Variants in GALK2 observed in about 807,000 individuals in gnomAD.
The protein encoded by GALK2 is N-acetylgalactosamine kinase.
A neutral mutation model predicts 52.4 loss-of-function variants in GALK2; 36 were observed. The ratio of observed to expected loss-of-function variants is 0.69; its 90% CI spans 0.53 to 0.91. GALK2 has a LOEUF of 0.91. Among genes scored for constraint, GALK2 ranks in the 40% least tolerant of loss-of-function variants. GALK2 has a pLI of 0.00. For synonymous variants in GALK2, 176 were observed against 199.1 expected, an observed-to-expected ratio of 0.88 and a Z score of 0.98; for missense variants, 579 against 559.1, an observed-to-expected ratio of 1.04 and a Z score of -0.36.
intron 3 of GALK2, chr15:49,343,871 A>G (rs1490952904): frequency 1.3e-5 from 2 of 152,208 alleles, no homozygotes; most frequent in East Asian, 3.8e-4. Context: ...TATTGCTGGA[A>G]TAAGTGTCCA....
chr15:49,234,811 G>A (rs2090705014), intron 3 of GALK2, among the ~76,000 whole-genome samples: 1 of 151,612 alleles, frequency 6.6e-6, no homozygotes, highest in Non-Finnish European at 1.5e-5. Context: ...CTGTCGCCCA[G>A]GCTGGGGTGC....
intron 3 of GALK2, among the ~76,000 whole-genome samples, chr15:49,352,849 C>T (rs1360516240): frequency 1.3e-5 from 2 of 152,168 alleles, no homozygotes; most frequent in Admixed American, 1.3e-4. Flanking sequence ...CTACCTCAGT[C>T]CTTAAAACCC....
At position 49,331,856 on chromosome 15, in the gene GALK2, A is replaced by G. The variant is rs1389729583; in HGVS notation, c.*3697A>G. ...GGTAGCCTTTGCTTGGAGTCTAATC[A>G]TGGAATAAAGAAAATCAGTAACCAA... is the stretch of plus-strand genomic sequence containing the variant. On this transcript the variant is annotated 3_prime_UTR_variant, in exon 10 of 10. Transcript: ENST00000560031. 6.3e-7 allele frequency: 1 copy of G among 1,588,968 alleles called. No homozygotes were observed. The highest frequency in any genetic ancestry group is 2.2e-5 in the East Asian group (1 of 44,732).
intron 8 of GALK2, chr15:49,318,050 A>T (rs534405979): frequency 2.4e-5 from 3 of 122,908 alleles, no homozygotes; most frequent in African/African-American, 7.5e-5. Context: ...CAGAATTTAA[A>T]GTAAAATTAA....
At chr15:49,232,849 T>G (rs1011226286) in intron 3 of GALK2, among the ~76,000 whole-genome samples, 121 of 152,294 alleles carry the variant, frequency 7.9e-4, no homozygotes, top group African/African-American at 2.8e-3. Context: ...TCTGAGACCT[T>G]CTTAGCTGGG....
chr15:49,334,186 T>G, downstream of GALK2: 1 of 895,468 alleles, frequency 1.1e-6, no homozygotes, highest in Non-Finnish European at 1.3e-6. Flanking sequence ...AAAGATGATC[T>G]TAAGCACTAC....
intron 3 of GALK2, among the ~76,000 whole-genome samples, chr15:49,233,808 G>A (rs796674478): frequency 1.2e-4 from 18 of 152,094 alleles, no homozygotes; most frequent in African/African-American, 4.1e-4. Flanking sequence ...TATCAAATGC[G>A]GACTTTTAGA....
chr15:49,345,806 GAAAC>G (rs879894712), intron 3 of GALK2, among the ~76,000 whole-genome samples: 1 of 152,140 alleles, frequency 6.6e-6, no homozygotes, highest in Non-Finnish European at 1.5e-5. Flanking sequence ...GAATATTAGA[GAAAC>G]AAAGGGTTTT....
At chr15:49,243,502 A>G (rs1244690964) in intron 5 of GALK2, among the ~76,000 whole-genome samples, 1 of 152,144 alleles carries the variant, frequency 6.6e-6, no homozygotes, top group Non-Finnish European at 1.5e-5. Flanking sequence ...CAGCTCCTCT[A>G]TGACCTTGTT....
chr15:49,326,142 A>T (rs1165450428), intron 9 of GALK2, among the ~76,000 whole-genome samples: 1 of 152,078 alleles, frequency 6.6e-6, no homozygotes, highest in Non-Finnish European at 1.5e-5. Flanking sequence ...AGACCATGTC[A>T]TGGCTGGCTT....
At chr15:49,216,323 A>G (rs2089369994) in intron 2 of GALK2, among the ~76,000 whole-genome samples, 1 of 152,164 alleles carries the variant, frequency 6.6e-6, no homozygotes, top group Non-Finnish European at 1.5e-5. Context: ...TGGGTCCAGG[A>G]ACTAAGTCCT....
At chr15:49,196,639 TTTA>T in intron 1 of GALK2, among the ~76,000 whole-genome samples, 1 of 152,250 alleles carries the variant, frequency 6.6e-6, no homozygotes, top group East Asian at 1.9e-4. Flanking sequence ...CTTTATCAAG[TTTA>T]TTGAGTCTTT....
In GALK2 at chr15:49,254,727, G is replaced by A. The variant is rs911905756; in HGVS notation, c.504+15360G>A. Among the ~76,000 whole-genome samples, 6 of 143,856 alleles carry A rather than the reference G, an allele frequency of 4.2e-5. 1 individual carries two copies. The highest frequency in any genetic ancestry group is 7.0e-5 in the Admixed American group (1 of 14,272). 94.4% of individuals were successfully genotyped at this position (143,856 alleles called of 152,430 possible). A position where few individuals can be genotyped will look rare whatever the true frequency, so the allele number is the denominator to read the frequency against. ...AGGGATAGTTCACAGAAACCTATGTGTTAATGCAGGGTGCTTTTATATTTA... is the reference window on the plus strand; with the variant it reads ...AGGGATAGTTCACAGAAACCTATGTATTAATGCAGGGTGCTTTTATATTTA... On this transcript the variant is annotated intron_variant, in intron 5 of 9. Transcript: ENST00000560031.
intron 5 of GALK2, among the ~76,000 whole-genome samples, chr15:49,261,154 G>A (rs1337042819): frequency 6.7e-6 from 1 of 149,162 alleles, no homozygotes; most frequent in African/African-American, 2.5e-5. Flanking sequence ...AAATTACCTT[G>A]GGCAGTATGG....
chr15:49,156,002 C>T (rs1429508062), exon 1 of GALK2: 3 of 1,614,038 alleles, frequency 1.9e-6, no homozygotes, highest in South Asian at 1.1e-5. Flanking sequence ...CTGACATGCC[C>T]GTCCTATATG....
At chr15:49,293,503 G>C (rs2034146316) in intron 8 of GALK2, among the ~76,000 whole-genome samples, 1 of 152,218 alleles carries the variant, frequency 6.6e-6, no homozygotes, top group Admixed American at 6.5e-5. Context: ...CCATGTATTA[G>C]CTATGGCTGC....
chr15:49,294,126 A>G (rs1447833324), intron 8 of GALK2, among the ~76,000 whole-genome samples: 1 of 142,968 alleles, frequency 7.0e-6, no homozygotes, highest in South Asian at 2.2e-4. Flanking sequence ...AAATAAATAA[A>G]TAAGACCCTG....
At chr15:49,340,403 G>GCCCCCCC (rs373386438) in intron 3 of GALK2, among the ~76,000 whole-genome samples, 2 of 94,380 alleles carry the variant, frequency 2.1e-5, no homozygotes, top group Non-Finnish European at 4.4e-5. Flanking sequence ...GCAGTGCCCC[G>GCCCCCCC]CCCCCCCCCT....
chr15:49,168,750 G>C (rs1032469904), upstream of GALK2, among the ~76,000 whole-genome samples: 1 of 144,038 alleles, frequency 6.9e-6, no homozygotes, highest in African/African-American at 2.6e-5. Context: ...GTTCTTTTCT[G>C]TATTTACTGA....
Sources: gnomAD v4.1 joint callset for allele counts (sites outside exome capture counted in the v4.1 genomes callset) on GRCh38, gnomAD v4.1.1 for gene constraint, MANE v1.5 for transcripts, NCBI Gene and HGNC (gene_info 2026-07-23, HGNC 2026-07-21) for gene names.